The following MRC2 variants were observed in gnomAD, a reference collection of about 807,000 sequenced individuals.
MRC2 encodes C-type mannose receptor 2.
A neutral mutation model predicts 206.2 loss-of-function variants in MRC2; 84 were observed. That is an observed-to-expected ratio of 0.41 (90% CI 0.34 to 0.49). MRC2 has a LOEUF of 0.49. Among genes scored for constraint, MRC2 ranks in the 20% least tolerant of loss-of-function variants. The pLI, the probability that MRC2 is intolerant of heterozygous loss-of-function variation, is 0.31. For missense variants in MRC2, 1,676 were observed against 2,001.5 expected, an observed-to-expected ratio of 0.84 and a Z score of 3.10; for synonymous variants, 798 against 800.0, an observed-to-expected ratio of 1.00 and a Z score of 0.04.
chr17:62,688,251 G>T (rs780948482), intron 20 of MRC2, 38 bp from the exon 21 acceptor site: 2 of 1,586,830 alleles, frequency 1.3e-6, no homozygotes, highest in Non-Finnish European at 1.7e-6. Flanking sequence ...GGATGGGGTG[G>T]TGGGGCTGGC....
At chr17:62,645,527 A>ATTTTTTTTTT (rs1164231785) in intron 1 of MRC2, among the ~76,000 whole-genome samples, 1 of 39,556 alleles carries the variant, frequency 2.5e-5, no homozygotes, top group Non-Finnish European at 4.7e-5. Flanking sequence ...ATATATATAT[A>ATTTTTTTTTT]TTTTTTTTTT....
Position 62,688,619 on chromosome 17 carries a change from T to C in MRC2, c.3180T>C (p.Pro1060=). ...CTTTGATGTATGCCAACTGGGCACC[T>C]GGGGAGCCCTCTGGCCCTAGCCCTG... The part of the protein sequence containing the change: ...QEPLMYANWA[P]GEPSGPSPAP... Residue 1060 remains proline, a synonymous_variant, in exon 22 of 30, where the codon CCT becomes CCC. Coordinates refer to ENST00000303375, the MANE Select transcript of MRC2 (RefSeq NM_006039.5). The C allele has an allele frequency of 6.2e-7, 1 of 1,614,180 alleles. No individual in the cohort carries two copies. Among genetic ancestry groups the C allele is most frequent in the South Asian group, 1.1e-5 (1 of 91,084 alleles).
chr17:62,649,921 CA>C (rs1217885357), intron 1 of MRC2, among the ~76,000 whole-genome samples: 1 of 148,980 alleles, frequency 6.7e-6, no homozygotes, highest in Non-Finnish European at 1.5e-5. Context: ...TTTTTTGAGA[CA>C]AGAGTGTCGC....
chr17:62,666,833 G>C lies in MRC2; in HGVS notation c.936G>C (p.Ser312=). 1 of 1,613,726 alleles carries C rather than the reference G, an allele frequency of 6.2e-7. No individual in the cohort carries two copies. The highest frequency in any genetic ancestry group is 8.5e-7 in the Non-Finnish European group (1 of 1,179,952). ...DLDTSGGWQW[S]DNSPLKYLNW... is the part of the protein sequence containing the mutation. ...ACACGAGCGGAGGCTGGCAGTGGTC[G>C]GACAACTCGCCCCTCAAGTACCTCA... Residue 312 remains serine (S), a synonymous_variant, in exon 5 of 30, where the codon TCG becomes TCC. Coordinates refer to ENST00000303375, the MANE Select transcript of MRC2 (RefSeq NM_006039.5). The surrounding 1 kb of genome is among the most constrained non-coding windows in gnomAD (Gnocchi z 5.0).
chr17:62,651,511 C>T (rs935203446), intron 1 of MRC2, among the ~76,000 whole-genome samples: 7 of 152,314 alleles, frequency 4.6e-5, no homozygotes, highest in African/African-American at 1.4e-4. Flanking sequence ...TGTTGGGAAT[C>T]TCTACCTTTT....
At chr17:62,656,138 C>T (rs1408915428) in intron 1 of MRC2, among the ~76,000 whole-genome samples, 2 of 152,166 alleles carry the variant, frequency 1.3e-5, no homozygotes, top group Non-Finnish European at 2.9e-5. Context: ...CCTCCGCCTC[C>T]TGGGTTCAAG....
intron 11 of MRC2, among the ~76,000 whole-genome samples, chr17:62,677,008 T>C (rs2088900855): frequency 1.3e-5 from 2 of 152,372 alleles, no homozygotes; most frequent in South Asian, 4.1e-4. Flanking sequence ...ACCCCTTCAA[T>C]AACCTGATGA....
chr17:62,672,739 C>T lies in MRC2; in HGVS notation c.1461+587C>T, dbSNP rs2088841763. On this transcript the variant is annotated intron_variant, in intron 8 of 29. Transcript: ENST00000303375. This position sits in a 1 kb window ranked among gnomAD's most constrained non-coding sequence, Gnocchi z 4.5. ...GAGTGTGGTGGCTCATGCCTATAATCCCAGCACATTGGGAGGCTGAGGCAG... is the reference window on the plus strand; with the variant it reads ...GAGTGTGGTGGCTCATGCCTATAATTCCAGCACATTGGGAGGCTGAGGCAG... Among the ~76,000 whole-genome samples the T allele has an allele frequency of 3.3e-5, 5 of 152,202 alleles. No homozygotes were observed. The highest frequency in any genetic ancestry group is 2.6e-4 in the Admixed American group (4 of 15,286).
rs185598352 is a variant in MRC2, at chr17:62,648,539, T to G, written c.119-16009T>G. ...CAGAACCGGAATGTGGCTGAAAGAG[T>G]GCACACCCTATCTGCCCTGCCCTAG... On this transcript the variant is annotated intron_variant, in intron 1 of 29. Transcript: ENST00000303375. Among the ~76,000 whole-genome samples, 3 of 152,130 alleles carry G rather than the reference T, an allele frequency of 2.0e-5. No homozygotes were observed. In the East Asian group the frequency reaches 5.8e-4, roughly 29 times the overall value.
chr17:62,635,717 G>A lies in MRC2; in HGVS notation c.118+7797G>A, dbSNP rs74986820. On this transcript the variant is annotated intron_variant, in intron 1 of 29. Transcript: ENST00000303375. ...TTACTCCAGTGCGTTTGGAGGCCAC[G>A]GGAGGAGAGACTGCTTGAGGCCAGG... Among the ~76,000 whole-genome samples the A allele has an allele frequency of 5.2e-3, 789 of 152,242 alleles. 10 individuals carry two copies. Among genetic ancestry groups the A allele is most frequent in the African/African-American group, 0.018 (752 of 41,550 alleles).
At chr17:62,647,581 C>T (rs140215255) in intron 1 of MRC2, among the ~76,000 whole-genome samples, 34 of 152,214 alleles carry the variant, frequency 2.2e-4, no homozygotes, top group Admixed American at 2.6e-4. Flanking sequence ...TTCCATTAGA[C>T]GAATATATTT....
rs770362047 is a variant in MRC2, at chr17:62,671,666, A to C, written c.1135A>C (p.Lys379Gln). ...CTCTGCAGACAGGTGGGCCAATGTG[A>C]AGGTGGAGTGCGAGCCGAGCTGGCA... ...PTPPDRWANV[K>Q]VECEPSWQPF... Residue 379 changes from lysine to glutamine, a missense_variant, in exon 7 of 30, where the codon AAG (lysine) becomes CAG (glutamine). Transcript: ENST00000303375. This position sits in a 1 kb window ranked among gnomAD's most constrained non-coding sequence, Gnocchi z 4.5. 16 of 1,590,908 alleles carry C rather than the reference A, an allele frequency of 1.0e-5. No individual in the cohort carries two copies. In the African/African-American group the frequency reaches 2.0e-4, roughly 20 times the overall value.
At chr17:62,690,499 C>T (rs1471902781) in intron 26 of MRC2, 143 bp from the exon 27 acceptor site, 3 of 1,384,432 alleles carry the variant, frequency 2.2e-6, no homozygotes, top group Non-Finnish European at 2.9e-6. Context: ...CACACTTGCA[C>T]ATGTGCACAC....
Position 62,680,072 on chromosome 17 carries a change from C to T in MRC2, c.2299-98C>T. On this transcript the variant is annotated intron_variant, in intron 14 of 29. Coordinates refer to ENST00000303375, the MANE Select transcript of MRC2 (RefSeq NM_006039.5). This position sits in a 1 kb window ranked among gnomAD's most constrained non-coding sequence, Gnocchi z 4.8. Reference sequence around the variant, plus strand: ...GGTCACCCGGCCCCCGGTGAGAATTCGCAGCTCAGGCCAGGCCTCTTGTTC... The same window carrying T: ...GGTCACCCGGCCCCCGGTGAGAATTTGCAGCTCAGGCCAGGCCTCTTGTTC... 6.4e-7 allele frequency: 1 copy of T among 1,562,288 alleles called. No individual in the cohort carries two copies. The highest frequency in any genetic ancestry group is 8.7e-7 in the Non-Finnish European group (1 of 1,146,878).
chr17:62,674,394 A>T (rs1015303718), intron 9 of MRC2, among the ~76,000 whole-genome samples: 1 of 152,106 alleles, frequency 6.6e-6, no homozygotes, highest in South Asian at 2.1e-4. Flanking sequence ...CCCCCAGCCC[A>T]GTCCTGAGTC....
intron 20 of MRC2, among the ~76,000 whole-genome samples, chr17:62,684,961 C>T (rs2089014533): frequency 6.6e-6 from 1 of 152,082 alleles, no homozygotes; most frequent in Non-Finnish European, 1.5e-5. Flanking sequence ...GGCAACATCG[C>T]AAAACCCTGT....
At chr17:62,682,710 C>T (rs994137220) in intron 20 of MRC2, among the ~76,000 whole-genome samples, 3 of 150,654 alleles carry the variant, frequency 2.0e-5, no homozygotes, top group Admixed American at 6.6e-5. Context: ...GGCGCGATCT[C>T]GGCTCACTGC....
At chr17:62,669,898 G>A (rs2088806501) in intron 6 of MRC2, among the ~76,000 whole-genome samples, 1 of 152,230 alleles carries the variant, frequency 6.6e-6, no homozygotes, top group African/African-American at 2.4e-5. Flanking sequence ...CATTCCGTAA[G>A]GGGCCAGGAG....
chr17:62,651,550 C>T (rs915123921), intron 1 of MRC2, among the ~76,000 whole-genome samples: 1 of 152,116 alleles, frequency 6.6e-6, no homozygotes, highest in African/African-American at 2.4e-5. Flanking sequence ...AAGACCATTA[C>T]CAAGAAATTG....
Sources: allele counts gnomAD v4.1 joint callset (sites outside exome capture counted in the v4.1 genomes callset), GRCh38; gene constraint gnomAD v4.1.1; non-coding constraint Gnocchi (gnomAD v3.1); transcripts MANE v1.5; gene names NCBI Gene and HGNC (gene_info 2026-07-23, HGNC 2026-07-21).